Variants in CCDC82 observed in about 807,000 individuals in gnomAD.
The protein encoded by CCDC82 is coiled-coil domain-containing protein 82.
A neutral mutation model predicts 60.6 loss-of-function variants in CCDC82; 47 were observed. That is an observed-to-expected ratio of 0.77 (90% CI 0.61 to 0.99). The LOEUF (loss-of-function observed/expected upper bound fraction) is 0.99. CCDC82 is among the 50% of genes least tolerant of loss of function. The pLI is 0.00. For synonymous variants in CCDC82, 212 were observed against 207.4 expected, an observed-to-expected ratio of 1.02 and a Z score of -0.19; for missense variants, 588 against 633.0, an observed-to-expected ratio of 0.93 and a Z score of 0.76.
chr11:96,366,053 G>T (rs1864929278), intron 7 of CCDC82, among the ~76,000 whole-genome samples: 2 of 152,158 alleles, frequency 1.3e-5, no homozygotes, highest in South Asian at 4.1e-4. Context: ...TTTATGACAT[G>T]TATTACTTAC....
At chr11:96,356,976 G>A (rs1864380437) in intron 9 of CCDC82, 3 of 985,370 alleles carry the variant, frequency 3.0e-6, no homozygotes, top group African/African-American at 1.7e-5. Context: ...TGGGAAATAT[G>A]AGCGGAAAGT....
intron 7 of CCDC82, among the ~76,000 whole-genome samples, chr11:96,366,013 A>G (rs569290327): frequency 6.6e-6 from 1 of 152,216 alleles, no homozygotes; most frequent in African/African-American, 2.4e-5. Flanking sequence ...CTGGTGGTCA[A>G]CTTTTCATAT....
Position 96,353,400 on chromosome 11 carries a change from T to C in CCDC82, c.*246A>G, listed in dbSNP as rs1005819948. On this transcript the variant is annotated 3_prime_UTR_variant, in exon 10 of 10. Coordinates refer to ENST00000646818, the MANE Select transcript of CCDC82 (RefSeq NM_024725.4). ...ACAGTCATCTGTTATAAAGCCATTATTATATAACTTTAAAATATATTTACA... is the reference window on the plus strand; with the variant it reads ...ACAGTCATCTGTTATAAAGCCATTACTATATAACTTTAAAATATATTTACA... The C allele has an allele frequency of 1.3e-5, 5 of 384,234 alleles. No individual in the cohort carries two copies. The highest frequency in any genetic ancestry group is 1.0e-4 in the African/African-American group (5 of 47,802). The allele number at this position is 384,234 out of a possible 1,614,324, so 23.8% of individuals were successfully genotyped here. A position where few individuals can be genotyped will look rare whatever the true frequency, so the allele number is the denominator to read the frequency against.
At chr11:96,369,457 G>A (rs953176614) in intron 7 of CCDC82, among the ~76,000 whole-genome samples, 12 of 152,058 alleles carry the variant, frequency 7.9e-5, no homozygotes, top group Admixed American at 7.2e-4. Context: ...GCCATTTTAG[G>A]GTTATTAATT....
chr11:96,361,822 G>C (rs1864676536), intron 8 of CCDC82, among the ~76,000 whole-genome samples: 1 of 152,100 alleles, frequency 6.6e-6, no homozygotes, highest in Non-Finnish European at 1.5e-5. Flanking sequence ...TAATTATCTA[G>C]TTCAATTTCT....
intron 5 of CCDC82, chr11:96,380,390 G>C (rs1415666540): frequency 1.3e-5 from 2 of 151,714 alleles, no homozygotes; most frequent in Non-Finnish European, 3.0e-5. Flanking sequence ...GAATACACAA[G>C]ATAAAATATG....
chr11:96,359,579 G>A (rs1864524285), intron 8 of CCDC82, among the ~76,000 whole-genome samples: 1 of 90,894 alleles, frequency 1.1e-5, no homozygotes, highest in African/African-American at 4.0e-5. Context: ...AAACACAAGA[G>A]TTTGCCAAGT....
At position 96,359,070 on chromosome 11, in the gene CCDC82, C is replaced by A. The variant is rs749491502; in HGVS notation, c.1489G>T (p.Glu497Ter). 1.2e-6 allele frequency: 2 copies of A among 1,606,258 alleles called. No individual in the cohort carries two copies. The highest frequency in any genetic ancestry group is 1.7e-6 in the Non-Finnish European group (2 of 1,178,006). Residue 497 changes from glutamate to a stop codon, truncating the protein, a stop_gained, in exon 9 of 10, where the codon GAA (glutamate) becomes TAA (stop). Coordinates refer to ENST00000646818, the MANE Select transcript of CCDC82 (RefSeq NM_024725.4). LOFTEE classifies it high-confidence loss of function. ...QECCTIAMTE[E>*]VEDEQVKETV... ...TCTTTAACTTGTTCATCTTCAACTT[C>A]TTCTGTCATTGCAATGGTGCAACAT...
Position 96,371,057 on chromosome 11 carries a change from G to A in CCDC82, c.1165C>T (p.Leu389=). 2 of 1,607,016 alleles carry A rather than the reference G, an allele frequency of 1.2e-6. No homozygotes were observed. The highest frequency in any genetic ancestry group is 1.7e-6 in the Non-Finnish European group (2 of 1,177,176). Residue 389 remains leucine, a synonymous_variant, in exon 7 of 10, where the codon CTA becomes TTA. Transcript: ENST00000646818. ...CGACTTCTAGATACCAAGCTCTCTAGACGAGGCTGAACAAAGCGGTTATCC... is the reference window on the plus strand; with the variant it reads ...CGACTTCTAGATACCAAGCTCTCTAAACGAGGCTGAACAAAGCGGTTATCC... ...YLDNRFVQPR[L]ESLVSRSRWK... is the part of the protein sequence containing the mutation.
intron 7 of CCDC82, among the ~76,000 whole-genome samples, chr11:96,365,735 C>T (rs1401610111): frequency 6.6e-6 from 1 of 152,162 alleles, no homozygotes; most frequent in Non-Finnish European, 1.5e-5. Context: ...ACTGAGAAAA[C>T]ACTTGGCATT....
rs374294895 is a variant in CCDC82, at chr11:96,384,597, T to G, written c.151A>C (p.Ser51Arg). The change falls in exon 4 of 10, where the codon AGT becomes CGT. Residue 51 changes from serine to arginine, a missense_variant. Physicochemically the swap from Ser to Arg is moderately radical, Grantham distance 110 (BLOSUM62 -1). Transcript: ENST00000646818. ...DEELDSEEFD[S>R]DEELDSDESF... ...TCATCACTATCAAGCTCTTCATCAC[T>G]ATCAAATTCTTCACTATCAAGCTCT... 12 of 1,613,428 alleles carry G rather than the reference T, an allele frequency of 7.4e-6. No individual in the cohort carries two copies. Among genetic ancestry groups the G allele is most frequent in the African/African-American group, 2.7e-5 (2 of 74,902 alleles).
At chr11:96,385,465 C>T (rs1050420852) in intron 3 of CCDC82, 1 of 152,110 alleles carries the variant, frequency 6.6e-6, no homozygotes, top group Non-Finnish European at 1.5e-5. Flanking sequence ...TATAAAAGAT[C>T]AATTTACACG....
chr11:96,383,910 C>CT, intron 4 of CCDC82, 52 bp downstream of exon 4: 1 of 1,500,480 alleles, frequency 6.7e-7, no homozygotes, highest in Non-Finnish European at 9.0e-7. Context: ...AAATTAAATA[C>CT]TTTAAGAAAA....
chr11:96,381,776 C>T (rs565146652), intron 5 of CCDC82: 1 of 151,752 alleles, frequency 6.6e-6, no homozygotes, highest in South Asian at 2.1e-4. Flanking sequence ...CTGATAGTGC[C>T]CAAGTCCATT....
intron 6 of CCDC82, among the ~76,000 whole-genome samples, chr11:96,371,412 C>T (rs1381647525): frequency 2.0e-5 from 3 of 152,090 alleles, no homozygotes; most frequent in African/African-American, 7.2e-5. Flanking sequence ...GAAACCCCAT[C>T]TCTACTAAAA....
rs1012943632 is a variant in CCDC82 at position 96,371,038 on chromosome 11, C to T, written c.1184G>A (p.Arg395Lys). 5 of 1,598,898 alleles carry T rather than the reference C, an allele frequency of 3.1e-6. No individual in the cohort carries two copies. Among genetic ancestry groups the T allele is most frequent in the Non-Finnish European group, 4.3e-6 (5 of 1,173,672 alleles). ...VQPRLESLVS[R>K]SRWKEQYKER... The stretch of plus-strand genomic sequence containing the variant: ...CTTATATTGCTCTTTCCAACGACTT[C>T]TAGATACCAAGCTCTCTAGACGAGG... The change falls in exon 7 of 10, where the codon AGA becomes AAA. Residue 395 changes from arginine (R) to lysine (K), a missense_variant. Physicochemically the swap from Arg to Lys is conservative, Grantham distance 26 (BLOSUM62 2). Transcript: ENST00000646818.
chr11:96,366,881 G>A (rs1005455301), intron 7 of CCDC82, among the ~76,000 whole-genome samples: 2 of 152,090 alleles, frequency 1.3e-5, no homozygotes, highest in Non-Finnish European at 2.9e-5. Flanking sequence ...CCAAAATAAA[G>A]TAAATATATC....
chr11:96,378,842 A>G (rs1865721467), intron 5 of CCDC82, among the ~76,000 whole-genome samples: 1 of 151,992 alleles, frequency 6.6e-6, no homozygotes, highest in South Asian at 2.1e-4. Flanking sequence ...AATAAATATA[A>G]AGAGACACTA....
intron 5 of CCDC82, among the ~76,000 whole-genome samples, chr11:96,379,958 T>G (rs72977901): frequency 1.3e-5 from 2 of 151,650 alleles, no homozygotes. Flanking sequence ...AAAATTTACA[T>G]GGTAAATAGT....
Sources: allele counts gnomAD v4.1 joint callset (sites outside exome capture counted in the v4.1 genomes callset), GRCh38; gene constraint gnomAD v4.1.1; transcripts MANE v1.5; gene names NCBI Gene and HGNC (gene_info 2026-07-23, HGNC 2026-07-21).